TOM1L2: variants seen among roughly 807,000 people sequenced by gnomAD.
The protein encoded by TOM1L2 is target of myb1 like 2 membrane trafficking protein, also known as TOM1-like protein 2.
A neutral mutation model predicts 67.9 loss-of-function variants in TOM1L2; 31 were observed. The ratio of observed to expected loss-of-function variants is 0.46; its 90% CI spans 0.34 to 0.62. The LOEUF (loss-of-function observed/expected upper bound fraction) is 0.62. Ranked by LOEUF, TOM1L2 falls within the 20% of genes least tolerant of loss-of-function variation. TOM1L2 has a pLI of 0.01. For missense variants in TOM1L2, 606 were observed against 663.5 expected, an observed-to-expected ratio of 0.91 and a Z score of 0.95; for synonymous variants, 256 against 254.0, an observed-to-expected ratio of 1.01 and a Z score of -0.07.
At chr17:17,874,840 G>C (rs2143932022) in intron 7 of TOM1L2, among the ~76,000 whole-genome samples, 1 of 152,326 alleles carries the variant, frequency 6.6e-6, no homozygotes, top group Non-Finnish European at 1.5e-5. Flanking sequence ...GCTTTCCAAA[G>C]AGCTATGCTA....
At chr17:17,971,974 G>A (rs991394797) in intron 1 of TOM1L2, among the ~76,000 whole-genome samples, 1 of 151,760 alleles carries the variant, frequency 6.6e-6, no homozygotes, top group Non-Finnish European at 1.5e-5. Flanking sequence ...TGGCACCGGC[G>A]CCCGGCGAAC....
chr17:17,931,432 A>G (rs2040329994), intron 1 of TOM1L2, among the ~76,000 whole-genome samples: 1 of 152,182 alleles, frequency 6.6e-6, no homozygotes, highest in Non-Finnish European at 1.5e-5. Context: ...TCCTAACCAA[A>G]TAACTAAATG....
intron 2 of TOM1L2, among the ~76,000 whole-genome samples, chr17:17,903,053 AC>A (rs1425133725): frequency 6.6e-6 from 1 of 151,740 alleles, no homozygotes; most frequent in Non-Finnish European, 1.5e-5. Flanking sequence ...ATACCCTGGC[AC>A]TCTGTAAGAC....
chr17:17,931,732 A>G (rs2040344161), intron 1 of TOM1L2, among the ~76,000 whole-genome samples: 1 of 152,258 alleles, frequency 6.6e-6, no homozygotes, highest in Non-Finnish European at 1.5e-5. Context: ...TGCCAGATCC[A>G]GGTTCAGAAC....
chr17:17,926,421 G>A (rs555579724), intron 1 of TOM1L2, among the ~76,000 whole-genome samples: 1 of 152,298 alleles, frequency 6.6e-6, no homozygotes, highest in South Asian at 2.1e-4. Context: ...CACAAGGGGA[G>A]ATGCGGACAT....
intron 1 of TOM1L2, among the ~76,000 whole-genome samples, chr17:17,927,664 T>C (rs1204670531): frequency 7.7e-6 from 1 of 129,356 alleles, no homozygotes; most frequent in Non-Finnish European, 1.6e-5. Flanking sequence ...TTGGCTATAC[T>C]TTTTTTTTTT....
intron 2 of TOM1L2, among the ~76,000 whole-genome samples, chr17:17,904,409 A>G (rs2038996333): frequency 6.6e-6 from 1 of 152,196 alleles, no homozygotes; most frequent in South Asian, 2.1e-4. Context: ...ATATTTGTAT[A>G]TTGCTCAAAT....
chr17:17,857,934 C>T, intron 12 of TOM1L2: 3 of 1,298,314 alleles, frequency 2.3e-6, no homozygotes, highest in Non-Finnish European at 3.2e-6. Flanking sequence ...AGTCACTCTT[C>T]AGACGTGATC....
intron 1 of TOM1L2, among the ~76,000 whole-genome samples, chr17:17,942,224 C>T (rs1415799969): frequency 1.3e-5 from 2 of 152,228 alleles, no homozygotes; most frequent in Non-Finnish European, 2.9e-5. Flanking sequence ...CCAGACGACC[C>T]TGATCTGCCT....
intron 1 of TOM1L2, among the ~76,000 whole-genome samples, chr17:17,933,453 C>G (rs2040408504): frequency 6.6e-6 from 1 of 152,142 alleles, no homozygotes; most frequent in Non-Finnish European, 1.5e-5. Context: ...AAATGAGGAA[C>G]AGGTATTGGG....
chr17:17,968,805 C>T (rs761957749), intron 1 of TOM1L2, among the ~76,000 whole-genome samples: 1 of 152,114 alleles, frequency 6.6e-6, no homozygotes. Context: ...TGTGCCTGTG[C>T]CCCACTCCCT....
rs1232015417 is a variant in TOM1L2 at position 17,846,983 on chromosome 17, C to T, written c.*652G>A. The T allele has an allele frequency of 6.6e-6, 1 of 152,492 alleles. No homozygotes were observed. Among genetic ancestry groups the T allele is most frequent in the South Asian group, 2.1e-4 (1 of 4,838 alleles). 9.4% of individuals were successfully genotyped at this position (152,492 alleles called of 1,614,324 possible). On this transcript the variant is annotated 3_prime_UTR_variant, in exon 15 of 15. Coordinates refer to ENST00000379504, the MANE Select transcript of TOM1L2 (RefSeq NM_001082968.2). ...GGGAGCCTGCAGGGACCCTCGGTGCCAGGCTCGGCTGCTGAGCCAGCTTGG... is the reference window on the plus strand; with the variant it reads ...GGGAGCCTGCAGGGACCCTCGGTGCTAGGCTCGGCTGCTGAGCCAGCTTGG...
intron 4 of TOM1L2, among the ~76,000 whole-genome samples, chr17:17,889,294 T>C (rs568422411): frequency 1.3e-5 from 2 of 152,160 alleles, no homozygotes; most frequent in African/African-American, 4.8e-5. Context: ...TTGGCCAGGG[T>C]GCTACTGATG....
intron 1 of TOM1L2, among the ~76,000 whole-genome samples, chr17:17,962,092 T>C (rs2041702900): frequency 6.6e-6 from 1 of 152,182 alleles, no homozygotes; most frequent in Non-Finnish European, 1.5e-5. Context: ...TTGAAGACAT[T>C]ATGCAAGTGA....
At chr17:17,860,194 C>G (rs948660249) in intron 12 of TOM1L2, among the ~76,000 whole-genome samples, 1 of 152,238 alleles carries the variant, frequency 6.6e-6, no homozygotes, top group African/African-American at 2.4e-5. Context: ...CAGGCAGTAT[C>G]CTGGTAGGCC....
chr17:17,938,400 G>A (rs758734665), intron 1 of TOM1L2, among the ~76,000 whole-genome samples: 48 of 152,068 alleles, frequency 3.2e-4, no homozygotes, highest in Non-Finnish European at 6.5e-4. Context: ...CACTGCAGTG[G>A]CCTGAAGCTG....
chr17:17,970,365 C>T (rs73303833), intron 1 of TOM1L2, among the ~76,000 whole-genome samples: 2,349 of 152,286 alleles, frequency 0.015, 70 homozygotes, highest in African/African-American at 0.054. Context: ...CACCCAACCA[C>T]ATTTGTATTT....
Position 17,862,833 on chromosome 17 carries a change from C to G in TOM1L2, c.1100G>C (p.Ser367Thr), listed in dbSNP as rs144061121. The change falls in exon 11 of 15, where the codon AGC (serine) becomes ACC (threonine). Residue 367 changes from serine to threonine, a missense_variant. Physicochemically the swap from Ser to Thr is moderately conservative, Grantham distance 58 (BLOSUM62 1). Coordinates refer to ENST00000379504, the MANE Select transcript of TOM1L2 (RefSeq NM_001082968.2). The part of the protein sequence containing the change: ...QLAGLDLGTE[S>T]VSGTLSSLQQ... ...GAGTGAACTGAGGGTGCCACTGACG[C>G]TCTCTGTCCCCAAGTCTGTGGCAAC... is the stretch of plus-strand genomic sequence containing the variant. 1.2e-6 allele frequency: 2 copies of G among 1,613,978 alleles called. No individual in the cohort carries two copies. Among genetic ancestry groups the G allele is most frequent in the Admixed American group, 1.7e-5 (1 of 60,004 alleles).
At chr17:17,948,866 T>C (rs947466024) in intron 1 of TOM1L2, among the ~76,000 whole-genome samples, 2 of 151,982 alleles carry the variant, frequency 1.3e-5, no homozygotes, top group African/African-American at 4.8e-5. Context: ...GCCTGATGGA[T>C]CAAAGACCCC....
Sources: gnomAD v4.1 joint callset for allele counts (sites outside exome capture counted in the v4.1 genomes callset) on GRCh38, gnomAD v4.1.1 for gene constraint, MANE v1.5 for transcripts, NCBI Gene and HGNC (gene_info 2026-07-23, HGNC 2026-07-21) for gene names.